PDZD2: variants seen among roughly 807,000 people sequenced by gnomAD.
PDZD2 encodes the protein PDZ domain containing 2, also known as PDZ domain-containing protein 2.
Under a neutral mutation model 220.7 loss-of-function variants are expected in PDZD2, and 90 were observed. That is an observed-to-expected ratio of 0.41 (90% CI 0.34 to 0.49). PDZD2 has a LOEUF of 0.49. Ranked by LOEUF, PDZD2 falls within the 20% of genes least tolerant of loss-of-function variation. The pLI, the probability that PDZD2 is intolerant of heterozygous loss-of-function variation, is 0.28. For missense variants in PDZD2, 3,174 were observed against 3,608.5 expected (o/e 0.88, Z 3.08); for synonymous variants, 1,375 against 1,450.5 (o/e 0.95, Z 1.18).
In PDZD2 at chr5:31,651,622, C is replaced by CTTTA. The variant is rs750739997; in HGVS notation, c.-361+12205_-361+12208dup. On this transcript the variant is annotated intron_variant, in intron 1 of 24. Coordinates refer to ENST00000438447, the MANE Select transcript of PDZD2 (RefSeq NM_178140.4). ...TTGTGCGCTAGGATAGTTGGACTTG[C>CTTTA]TTTATTTATTTATTTATTTATTTTT... Among the ~76,000 whole-genome samples, 93 of 149,006 alleles carry CTTTA rather than the reference C, an allele frequency of 6.2e-4. 1 individual carries two copies. The highest frequency in any genetic ancestry group is 2.1e-3 in the South Asian group (10 of 4,770).
chr5:32,102,888 G>A (rs1262216523), intron 24 of PDZD2, among the ~76,000 whole-genome samples: 1 of 152,172 alleles, frequency 6.6e-6, no homozygotes, highest in East Asian at 1.9e-4. Context: ...CAACAGCAGA[G>A]CAAGACCCTG....
chr5:31,682,411 C>T lies in PDZD2; in HGVS notation c.-361+42974C>T, dbSNP rs560246832. ...TTTGTGTTTCCGGAAGCCTGGCTTC[C>T]AATAAAGGTGGTTAATTGGGAGAAG... On this transcript the variant is annotated intron_variant, in intron 1 of 24. Transcript: ENST00000438447. Among the ~76,000 whole-genome samples the T allele has an allele frequency of 2.0e-5, 3 of 152,192 alleles. No individual in the cohort carries two copies. The South Asian group carries it at 6.2e-4, about 32-fold the overall frequency.
rs371934789 is a variant in PDZD2 at position 31,895,679 on chromosome 5, A to G, written c.477-87476A>G. Among the ~76,000 whole-genome samples the G allele has an allele frequency of 7.2e-5, 11 of 152,310 alleles. No individual in the cohort carries two copies. The East Asian group carries it at 1.5e-3, about 21-fold the overall frequency. On this transcript the variant is annotated intron_variant, in intron 2 of 24. Transcript: ENST00000438447. ...ATTCTGCCCAGAGCCTTACATGAAC[A>G]TATTGTAAATCCCCTTCCTCGTTTT...
Position 32,098,755 on chromosome 5 carries a change from G to A in PDZD2, c.8218+121G>A, listed in dbSNP as rs1743971388. 1.3e-5 allele frequency: 12 copies of A among 897,474 alleles called. No homozygotes were observed. The highest frequency in any genetic ancestry group is 1.8e-5 in the Non-Finnish European group (11 of 603,524). 55.6% of individuals were successfully genotyped at this position (897,474 alleles called of 1,614,324 possible). A position where few individuals can be genotyped will look rare whatever the true frequency, so the allele number is the denominator to read the frequency against. ...CTAGATCTGAAAAATTAAATGTAGC[G>A]AAGTCTAGTGTGTTTGGATGCTGCT... On this transcript the variant is annotated intron_variant, in intron 23 of 24. Transcript: ENST00000438447. The surrounding 1 kb of genome is among the most constrained non-coding windows in gnomAD (Gnocchi z 4.1).
rs1474076959 is a variant in PDZD2 at position 32,073,946 on chromosome 5, G to C, written c.2840G>C (p.Gly947Ala). 1 of 1,614,136 alleles carries C rather than the reference G, an allele frequency of 6.2e-7. No homozygotes were observed. The highest frequency in any genetic ancestry group is 1.7e-5 in the Admixed American group (1 of 60,026). Reference sequence around the variant, plus strand: ...GTTGCCAGACAAGCCAGTCTCCCCGGAAGCCCACAGGCCCTCCGAAACCCT... The same window carrying C: ...GTTGCCAGACAAGCCAGTCTCCCCGCAAGCCCACAGGCCCTCCGAAACCCT... ...VTVARQASLP[G>A]SPQALRNPLL... The change falls in exon 18 of 25, where the codon GGA (glycine) becomes GCA (alanine). Residue 947 changes from glycine (G) to alanine (A), a missense_variant. Gly to Ala is a moderately conservative substitution (Grantham distance 60, BLOSUM62 0). Coordinates refer to ENST00000438447, the MANE Select transcript of PDZD2 (RefSeq NM_178140.4).
chr5:31,779,764 A>T (rs918334204), intron 1 of PDZD2, among the ~76,000 whole-genome samples: 1 of 152,022 alleles, frequency 6.6e-6, no homozygotes, highest in Non-Finnish European at 1.5e-5. Context: ...GGTAGTGGGC[A>T]CTCAGTAAAT....
At chr5:32,103,818 C>T (rs1265180949) in intron 24 of PDZD2, 1 of 152,284 alleles carries the variant, frequency 6.6e-6, no homozygotes, top group Non-Finnish European at 1.5e-5. Flanking sequence ...AGCCAGGCTT[C>T]GGGACCCCAC....
At chr5:32,003,709 GT>G (rs1752581473) in intron 5 of PDZD2, among the ~76,000 whole-genome samples, 1 of 151,872 alleles carries the variant, frequency 6.6e-6, no homozygotes, top group African/African-American at 2.4e-5. Flanking sequence ...TTTTGTTTTT[GT>G]TTTTTGTTTT....
At chr5:31,861,973 C>G (rs921509251) in intron 2 of PDZD2, among the ~76,000 whole-genome samples, 8 of 151,878 alleles carry the variant, frequency 5.3e-5, no homozygotes, top group African/African-American at 1.2e-4. Context: ...ATGCCTTATA[C>G]TATATAGTTC....
chr5:31,796,388 C>T (rs1431333418), intron 1 of PDZD2, among the ~76,000 whole-genome samples: 1 of 152,184 alleles, frequency 6.6e-6, no homozygotes, highest in African/African-American at 2.4e-5. Context: ...CGGTCCTGCG[C>T]TTCTGCCCGC....
chr5:31,980,113 T>C (rs1750169901), intron 2 of PDZD2, among the ~76,000 whole-genome samples: 1 of 152,196 alleles, frequency 6.6e-6, no homozygotes, highest in Non-Finnish European at 1.5e-5. Flanking sequence ...TTCAGTGAGT[T>C]TTAGTGCTGG....
intron 2 of PDZD2, among the ~76,000 whole-genome samples, chr5:31,904,031 C>A (rs925632675): frequency 6.8e-6 from 1 of 146,208 alleles, no homozygotes; most frequent in Non-Finnish European, 1.5e-5. Flanking sequence ...TGCACCCAGC[C>A]ACTTTTTTTT....
At chr5:32,003,305 ACCACACACACC>A (rs1752470417) in intron 5 of PDZD2, among the ~76,000 whole-genome samples, 1 of 78,434 alleles carries the variant, frequency 1.3e-5, no homozygotes, top group Non-Finnish European at 2.6e-5. Context: ...CAAACACCAC[ACCACACACACC>A]CCACACACAC....
At chr5:31,883,851 C>G (rs563936398) in intron 2 of PDZD2, among the ~76,000 whole-genome samples, 2 of 152,096 alleles carry the variant, frequency 1.3e-5, no homozygotes, top group East Asian at 3.9e-4. Context: ...ATCTGCCTAT[C>G]TCACCTCCCA....
intron 3 of PDZD2, among the ~76,000 whole-genome samples, chr5:31,991,829 G>A (rs112633543): frequency 0.047 from 7,228 of 152,266 alleles, 250 homozygotes; most frequent in Non-Finnish European, 0.072. Flanking sequence ...AGGAGTTCAA[G>A]ACCAGCCTGG....
chr5:31,913,292 G>GATC (rs1357285511), intron 2 of PDZD2, among the ~76,000 whole-genome samples: 2 of 150,844 alleles, frequency 1.3e-5, no homozygotes, highest in Admixed American at 1.3e-4. Context: ...AGTGAGCTGA[G>GATC]ATCATGCCCC....
At chr5:31,706,939 G>A (rs1313291736) in intron 1 of PDZD2, among the ~76,000 whole-genome samples, 1 of 151,878 alleles carries the variant, frequency 6.6e-6, no homozygotes, top group Non-Finnish European at 1.5e-5. Flanking sequence ...AAATTCATGT[G>A]TTGAAGCCTT....
At chr5:31,740,104 C>T (rs2150165089) in intron 1 of PDZD2, among the ~76,000 whole-genome samples, 1 of 152,236 alleles carries the variant, frequency 6.6e-6, no homozygotes, top group African/African-American at 2.4e-5. Flanking sequence ...TCTCGGTAGC[C>T]ATTGCTTTGA....
At position 32,074,485 on chromosome 5, in the gene PDZD2, C is replaced by T; in HGVS notation, c.3379C>T (p.His1127Tyr). Residue 1127 changes from histidine to tyrosine, a missense_variant, in exon 18 of 25, where the codon CAC (histidine) becomes TAC (tyrosine). By Grantham distance (83) the His-to-Tyr change is moderately conservative (BLOSUM62 2). Coordinates refer to ENST00000438447, the MANE Select transcript of PDZD2 (RefSeq NM_178140.4). Reference protein sequence around the residue: ...RHRPVARVSPHCKRSEAEAKP... With the variant: ...RHRPVARVSPYCKRSEAEAKP... Reference sequence around the variant, plus strand: ...CAGACCAGTGGCCAGGGTAAGCCCCCACTGCAAGAGATCCGAGGCTGAGGC... The same window carrying T: ...CAGACCAGTGGCCAGGGTAAGCCCCTACTGCAAGAGATCCGAGGCTGAGGC... The T allele has an allele frequency of 2.5e-6, 4 of 1,614,246 alleles. No individual in the cohort carries two copies. Among genetic ancestry groups the T allele is most frequent in the Non-Finnish European group, 3.4e-6 (4 of 1,180,050 alleles).
Sources: allele counts gnomAD v4.1 joint callset (sites outside exome capture counted in the v4.1 genomes callset), GRCh38; gene constraint gnomAD v4.1.1; non-coding constraint Gnocchi (gnomAD v3.1); transcripts MANE v1.5; gene names NCBI Gene and HGNC (gene_info 2026-07-23, HGNC 2026-07-21).